The following PTPRD variants were observed in gnomAD, a reference collection of about 807,000 sequenced individuals.
The protein encoded by PTPRD is protein tyrosine phosphatase receptor type D.
A neutral mutation model predicts 214.5 loss-of-function variants in PTPRD; 34 were observed. That is an observed-to-expected ratio of 0.16 (90% CI 0.12 to 0.21). PTPRD has a LOEUF of 0.21. PTPRD is among the 10% of genes least tolerant of loss of function. The pLI is 1.00. For missense variants in PTPRD, 2,545 were observed against 2,398.7 expected, an observed-to-expected ratio of 1.06 and a Z score of -1.27; for synonymous variants, 1,128 against 845.7, an observed-to-expected ratio of 1.33 and a Z score of -5.79.
intron 7 of PTPRD, among the ~76,000 whole-genome samples, chr9:9,587,617 G>C (rs1297028913): frequency 2.0e-5 from 3 of 151,934 alleles, no homozygotes; most frequent in African/African-American, 7.2e-5. Flanking sequence ...ATAAAGGCTG[G>C]GGGTCTCACT....
intron 10 of PTPRD, among the ~76,000 whole-genome samples, chr9:9,169,084 A>T (rs962492693): frequency 5.1e-4 from 78 of 152,180 alleles, no homozygotes; most frequent in African/African-American, 1.8e-3. Flanking sequence ...ATCAATTTGC[A>T]TAAATTTATA....
chr9:9,268,311 G>A (rs1053347582), intron 9 of PTPRD, among the ~76,000 whole-genome samples: 16 of 150,524 alleles, frequency 1.1e-4, no homozygotes, highest in African/African-American at 2.9e-4. Context: ...TAACTAGGGA[G>A]GTAAAAGATC....
chr9:9,610,057 C>T (rs942784519), intron 7 of PTPRD, among the ~76,000 whole-genome samples: 2 of 152,100 alleles, frequency 1.3e-5, no homozygotes, highest in African/African-American at 4.8e-5. Context: ...AGTCTGGATT[C>T]CGTAGACATT....
chr9:9,778,074 C>G (rs1260111961), intron 5 of PTPRD, among the ~76,000 whole-genome samples: 1 of 152,156 alleles, frequency 6.6e-6, no homozygotes, highest in African/African-American at 2.4e-5. Flanking sequence ...GGAAGTGACA[C>G]TCCCATTGAG....
chr9:9,805,033 T>C (rs903257768), intron 5 of PTPRD, among the ~76,000 whole-genome samples: 3 of 152,110 alleles, frequency 2.0e-5, no homozygotes, highest in African/African-American at 7.2e-5. Flanking sequence ...AATATCTAAA[T>C]TGATCCTCAT....
intron 11 of PTPRD, among the ~76,000 whole-genome samples, chr9:8,753,300 C>T (rs753918501): frequency 2.0e-5 from 3 of 152,120 alleles, no homozygotes; most frequent in South Asian, 2.1e-4. Flanking sequence ...ATGGAAGTGA[C>T]GTATGTATCT....
intron 8 of PTPRD, among the ~76,000 whole-genome samples, chr9:9,465,812 A>G (rs1034020212): frequency 1.3e-5 from 2 of 152,016 alleles, no homozygotes; most frequent in African/African-American, 2.4e-5. Context: ...ATTTGCTTCC[A>G]TGGAAATCAA....
At chr9:9,100,415 T>C (rs909868546) in intron 10 of PTPRD, among the ~76,000 whole-genome samples, 3 of 152,056 alleles carry the variant, frequency 2.0e-5, no homozygotes, top group Non-Finnish European at 4.4e-5. Context: ...CAGAGTAGGG[T>C]AAATAGCTGG....
At chr9:9,903,021 G>A (rs1199576382) in intron 5 of PTPRD, among the ~76,000 whole-genome samples, 3 of 152,038 alleles carry the variant, frequency 2.0e-5, no homozygotes, top group Non-Finnish European at 4.4e-5. Context: ...GAAAAACATC[G>A]AAAATTCCAG....
chr9:8,849,777 G>A (rs577210754), intron 11 of PTPRD, among the ~76,000 whole-genome samples: 3 of 152,280 alleles, frequency 2.0e-5, no homozygotes, highest in South Asian at 2.1e-4. Context: ...GGCTAGACAT[G>A]CAATTTGGGA....
chr9:9,816,975 T>C (rs1342748350), intron 5 of PTPRD, among the ~76,000 whole-genome samples: 1 of 152,068 alleles, frequency 6.6e-6, no homozygotes, highest in Non-Finnish European at 1.5e-5. Context: ...TAACTGAAGA[T>C]TATTATTTTA....
intron 3 of PTPRD, among the ~76,000 whole-genome samples, chr9:10,189,463 G>A (rs887966002): frequency 1.3e-5 from 2 of 152,168 alleles, no homozygotes; most frequent in African/African-American, 4.8e-5. Flanking sequence ...CATCTCTGCT[G>A]CATTTTATAA....
At chr9:10,453,805 A>T (rs1174217375) in intron 2 of PTPRD, among the ~76,000 whole-genome samples, 1 of 151,158 alleles carries the variant, frequency 6.6e-6, no homozygotes, top group Non-Finnish European at 1.5e-5. Context: ...GTTCTTGCCT[A>T]ATTGTTGTTT....
At chr9:9,802,267 G>T (rs149903054) in intron 5 of PTPRD, among the ~76,000 whole-genome samples, 1 of 151,880 alleles carries the variant, frequency 6.6e-6, no homozygotes, top group Non-Finnish European at 1.5e-5. Context: ...TGGGTTGATA[G>T]GAATCCTGTT....
intron 3 of PTPRD, among the ~76,000 whole-genome samples, chr9:10,071,160 A>C (rs550203825): frequency 4.6e-5 from 7 of 152,136 alleles, no homozygotes; most frequent in African/African-American, 1.7e-4. Context: ...AGATTGGAAG[A>C]CTCAAACAAT....
rs191608447 is a variant in PTPRD at position 8,933,238 on chromosome 9, C to A, written c.-104+85459G>T. On this transcript the variant is annotated intron_variant, in intron 11 of 45. Coordinates refer to ENST00000381196, the MANE Select transcript of PTPRD (RefSeq NM_002839.4). ...TTCCAATGAGATGAGCAGGGTACAT[C>A]AGTTGGAAATGAAAAAATCATCTGT... Among the ~76,000 whole-genome samples the A allele has an allele frequency of 1.3e-3, 194 of 150,236 alleles. 1 individual carries two copies. Among genetic ancestry groups the A allele is most frequent in the African/African-American group, 4.5e-3 (183 of 40,988 alleles).
chr9:9,065,486 G>A (rs1314831814), intron 10 of PTPRD, among the ~76,000 whole-genome samples: 1 of 152,182 alleles, frequency 6.6e-6, no homozygotes, highest in Non-Finnish European at 1.5e-5. Flanking sequence ...GTGGGAGTAA[G>A]ATACACGGTC....
intron 11 of PTPRD, among the ~76,000 whole-genome samples, chr9:8,823,635 G>C (rs2097118025): frequency 6.6e-6 from 1 of 151,586 alleles, no homozygotes; most frequent in African/African-American, 2.4e-5. Flanking sequence ...TGGGGAAACA[G>C]AGTGAGACCC....
At chr9:9,982,969 T>C (rs2095595075) in intron 4 of PTPRD, among the ~76,000 whole-genome samples, 2 of 152,120 alleles carry the variant, frequency 1.3e-5, no homozygotes, top group African/African-American at 4.8e-5. Context: ...GTGGCGGAAA[T>C]CTGGAATACA....
Sources: allele counts gnomAD v4.1 joint callset (sites outside exome capture counted in the v4.1 genomes callset), GRCh38; gene constraint gnomAD v4.1.1; transcripts MANE v1.5; gene names NCBI Gene and HGNC (gene_info 2026-07-23, HGNC 2026-07-21).